Variants in MLLT3 observed in about 807,000 individuals in gnomAD.
MLLT3 encodes the protein MLLT3 super elongation complex subunit.
MLLT3 carries 4 observed loss-of-function variants against 53.2 expected under a neutral mutation model. That is an observed-to-expected ratio of 0.08 (90% confidence interval 0.04 to 0.17). MLLT3 has a LOEUF of 0.17. Among genes scored for constraint, MLLT3 ranks in the 10% least tolerant of loss-of-function variants. The pLI is 1.00. For missense variants in MLLT3, 569 were observed against 684.0 expected (o/e 0.83, Z 1.87); for synonymous variants, 283 against 230.6 (o/e 1.23, Z -2.06).
At chr9:20,567,299 T>G (rs1461301977) in intron 2 of MLLT3, among the ~76,000 whole-genome samples, 1 of 117,662 alleles carries the variant, frequency 8.5e-6, no homozygotes, top group African/African-American at 3.5e-5. Flanking sequence ...TAGTACTATA[T>G]TCAGTAAAAA....
chr9:20,364,607 G>C (rs1042012600), intron 6 of MLLT3, among the ~76,000 whole-genome samples: 1 of 152,158 alleles, frequency 6.6e-6, no homozygotes, highest in Admixed American at 6.5e-5. Context: ...ATCTGCTTTT[G>C]TAGTGGGCTT....
chr9:20,359,073 A>G (rs1035807012), intron 8 of MLLT3, among the ~76,000 whole-genome samples: 7 of 135,222 alleles, frequency 5.2e-5, no homozygotes, highest in African/African-American at 1.9e-4. Context: ...TGAACCCAGG[A>G]GGCGGAGGTT....
At chr9:20,557,463 G>A (rs1819091007) in intron 2 of MLLT3, among the ~76,000 whole-genome samples, 1 of 152,172 alleles carries the variant, frequency 6.6e-6, no homozygotes, top group Admixed American at 6.5e-5. Context: ...TTAAAGCCCT[G>A]CTTGACAGTT....
intron 2 of MLLT3, among the ~76,000 whole-genome samples, chr9:20,463,462 T>C (rs886075697): frequency 6.6e-6 from 1 of 152,110 alleles, no homozygotes; most frequent in Admixed American, 6.6e-5. Context: ...AAGGAACGTA[T>C]AACAAATAAG....
At chr9:20,614,588 G>C (rs916400833) in intron 2 of MLLT3, among the ~76,000 whole-genome samples, 2 of 151,946 alleles carry the variant, frequency 1.3e-5, no homozygotes, top group Non-Finnish European at 2.9e-5. Context: ...GAAAATTTCA[G>C]ATAACTCGTC....
Position 20,346,137 on chromosome 9 carries a change from T to C in MLLT3, c.*306A>G, listed in dbSNP as rs1820859735. Reference sequence around the variant, plus strand: ...ATGATACCATACACATTCTTTGAGTTTTCTTGTGTTGTGTTTGATTTGTTT... The same window carrying C: ...ATGATACCATACACATTCTTTGAGTCTTCTTGTGTTGTGTTTGATTTGTTT... On this transcript the variant is annotated 3_prime_UTR_variant, in exon 11 of 11. Coordinates refer to ENST00000380338, the MANE Select transcript of MLLT3 (RefSeq NM_004529.4). 1 of 320,410 alleles carries C rather than the reference T, an allele frequency of 3.1e-6. No individual in the cohort carries two copies. Among genetic ancestry groups the C allele is most frequent in the African/African-American group, 2.1e-5 (1 of 47,192 alleles). The allele number at this position is 320,410 out of a possible 1,614,324, so 19.8% of individuals were successfully genotyped here.
At chr9:20,543,357 G>C (rs1211500578) in intron 2 of MLLT3, among the ~76,000 whole-genome samples, 1 of 152,192 alleles carries the variant, frequency 6.6e-6, no homozygotes, top group Non-Finnish European at 1.5e-5. Context: ...TGACAGACAT[G>C]CAGCTCTTCC....
At chr9:20,542,963 A>G (rs1035900812) in intron 2 of MLLT3, among the ~76,000 whole-genome samples, 6 of 152,238 alleles carry the variant, frequency 3.9e-5, no homozygotes, top group Non-Finnish European at 8.8e-5. Context: ...TTATAATGGT[A>G]GCTTCTTTCT....
intron 2 of MLLT3, among the ~76,000 whole-genome samples, chr9:20,526,648 T>A (rs1171461393): frequency 1.9e-4 from 29 of 152,342 alleles, no homozygotes; most frequent in Non-Finnish European, 7.4e-5. Context: ...ACATGTCTTG[T>A]ACATGTACCC....
chr9:20,566,834 G>T (rs1272718962), intron 2 of MLLT3, among the ~76,000 whole-genome samples: 1 of 152,100 alleles, frequency 6.6e-6, no homozygotes, highest in African/African-American at 2.4e-5. Context: ...TAGGGCTCCA[G>T]GTGGTACACC....
At chr9:20,482,596 C>T (rs565531270) in intron 2 of MLLT3, among the ~76,000 whole-genome samples, 1 of 152,128 alleles carries the variant, frequency 6.6e-6, no homozygotes, top group African/African-American at 2.4e-5. Context: ...TACAACACAA[C>T]ATATGCTACT....
Position 20,414,412 on chromosome 9 carries a change from C to T in MLLT3, c.434G>A (p.Ser145Asn). ...LLKAGGDPNR[S>N]IHTSSSSSSS... ...GCTGCTGCTGCTGCTGGTATGAATA[C>T]TCCTATTAGGGTCCTGCAAAAAGGG... Residue 145 changes from serine (S) to asparagine (N), a missense_variant, in exon 5 of 11, where the codon AGT (serine) becomes AAT (asparagine). Physicochemically the swap from Ser to Asn is conservative, Grantham distance 46. Coordinates refer to ENST00000380338, the MANE Select transcript of MLLT3 (RefSeq NM_004529.4). 1 of 1,607,594 alleles carries T rather than the reference C, an allele frequency of 6.2e-7. No homozygotes were observed.
intron 8 of MLLT3, among the ~76,000 whole-genome samples, chr9:20,355,458 GC>G (rs1406909969): frequency 2.0e-5 from 3 of 152,184 alleles, no homozygotes; most frequent in Non-Finnish European, 2.9e-5. Context: ...AACGCCAAGT[GC>G]TTTTCCTTTT....
At chr9:20,365,475 C>G (rs1317168229) in intron 6 of MLLT3, among the ~76,000 whole-genome samples, 194 bp downstream of exon 6, 2 of 152,182 alleles carry the variant, frequency 1.3e-5, no homozygotes, top group African/African-American at 4.8e-5. Flanking sequence ...GCAGCTGGGA[C>G]TACAGGCGCA....
chr9:20,508,900 C>T (rs1825450232), intron 2 of MLLT3, among the ~76,000 whole-genome samples: 1 of 152,054 alleles, frequency 6.6e-6, no homozygotes, highest in African/African-American at 2.4e-5. Context: ...GAACTCATAA[C>T]CAAAAGAATA....
At chr9:20,602,712 T>G (rs1563839322) in intron 2 of MLLT3, among the ~76,000 whole-genome samples, 1 of 151,686 alleles carries the variant, frequency 6.6e-6, no homozygotes, top group Non-Finnish European at 1.5e-5. Context: ...AACATGATTA[T>G]CAAATCTCCT....
chr9:20,614,325 C>A (rs552311099), intron 2 of MLLT3, among the ~76,000 whole-genome samples: 1 of 149,632 alleles, frequency 6.7e-6, no homozygotes, highest in South Asian at 2.1e-4. Flanking sequence ...ACCCGGGAGG[C>A]AGAAGTTGCA....
intron 10 of MLLT3, among the ~76,000 whole-genome samples, chr9:20,347,887 G>A (rs918753048): frequency 6.6e-6 from 1 of 152,184 alleles, no homozygotes; most frequent in Non-Finnish European, 1.5e-5. Flanking sequence ...ATGCCACGCT[G>A]AGTAACAGCA....
At chr9:20,470,846 A>G (rs1255810215) in intron 2 of MLLT3, among the ~76,000 whole-genome samples, 2 of 152,038 alleles carry the variant, frequency 1.3e-5, no homozygotes, top group Non-Finnish European at 2.9e-5. Context: ...GCTCTCACAC[A>G]TACCCCCTTC....
Sources: allele counts gnomAD v4.1 joint callset (sites outside exome capture counted in the v4.1 genomes callset), GRCh38; gene constraint gnomAD v4.1.1; transcripts MANE v1.5; gene names NCBI Gene and HGNC (gene_info 2026-07-23, HGNC 2026-07-21).